The following SLIT2 variants were observed in gnomAD, a reference collection of about 807,000 sequenced individuals.
SLIT2 encodes slit homolog 2 protein.
In SLIT2, 41 loss-of-function variants were observed where a neutral mutation model predicts 185.7. That is an observed-to-expected ratio of 0.22 (90% CI 0.17 to 0.29). The LOEUF (loss-of-function observed/expected upper bound fraction) is 0.29, where lower values mean the gene tolerates loss of function less well. Among genes scored for constraint, SLIT2 ranks in the 10% least tolerant of loss-of-function variants. The pLI is 1.00. For synonymous variants in SLIT2, 693 were observed against 680.2 expected (o/e 1.02, Z -0.29); for missense variants, 1,571 against 1,909.0 (o/e 0.82, Z 3.30).
intron 4 of SLIT2, among the ~76,000 whole-genome samples, chr4:20,382,241 T>G (rs958280681): frequency 6.6e-6 from 1 of 152,126 alleles, no homozygotes; most frequent in Non-Finnish European, 1.5e-5. Context: ...TTGAAAAACA[T>G]GTAGTTAACA....
intron 4 of SLIT2, among the ~76,000 whole-genome samples, chr4:20,362,239 C>T (rs942192396): frequency 6.6e-6 from 1 of 152,058 alleles, no homozygotes; most frequent in African/African-American, 2.4e-5. Flanking sequence ...GTTCTGTCTG[C>T]CTAATTTGTA....
rs537223148 is a variant in SLIT2, at chr4:20,310,031, G to T, written c.395+41150G>T. ...CCGCCTCGGCCTCCCCAAGTGCTGGGATTACAGGCGTGAGCCACCGCGTCC... is the reference window on the plus strand; with the variant it reads ...CCGCCTCGGCCTCCCCAAGTGCTGGTATTACAGGCGTGAGCCACCGCGTCC... On this transcript the variant is annotated intron_variant, in intron 4 of 36. Transcript: ENST00000504154. Among the ~76,000 whole-genome samples the T allele has an allele frequency of 1.4e-4, 21 of 152,184 alleles. No homozygotes were observed. The South Asian group carries it at 1.7e-3, about 12-fold the overall frequency.
At chr4:20,523,676 C>A in intron 12 of SLIT2, 84 bp from the exon 13 acceptor site, 1 of 1,088,026 alleles carries the variant, frequency 9.2e-7, no homozygotes, top group Non-Finnish European at 1.4e-6. Context: ...TATTTCTTGA[C>A]TGGGTTTCCT....
intron 4 of SLIT2, among the ~76,000 whole-genome samples, chr4:20,362,087 TA>T (rs1468415372): frequency 6.6e-6 from 1 of 152,176 alleles, no homozygotes; most frequent in Non-Finnish European, 1.5e-5. Context: ...AGGGACAGCC[TA>T]ATTAGCCCAT....
intron 4 of SLIT2, among the ~76,000 whole-genome samples, chr4:20,414,192 T>A (rs1014168114): frequency 6.6e-6 from 1 of 152,144 alleles, no homozygotes; most frequent in Non-Finnish European, 1.5e-5. Flanking sequence ...AACCTCTTCA[T>A]TTATAATAAT....
rs79221293 is a variant in SLIT2 at position 20,475,685 on chromosome 4, G to T, written c.468-5031G>T. ...GACGTATCTACAGACCCTGCCATAT[G>T]CTATGAATTTATTAAACGTTAGCAA... On this transcript the variant is annotated intron_variant, in intron 5 of 36. Coordinates refer to ENST00000504154, the MANE Select transcript of SLIT2 (RefSeq NM_004787.4). Among the ~76,000 whole-genome samples, 71 of 152,200 alleles carry T rather than the reference G, an allele frequency of 4.7e-4. 1 individual carries two copies. In the East Asian group the frequency reaches 0.014, roughly 29 times the overall value.
At chr4:20,607,932 T>A (rs1728916377) in intron 33 of SLIT2, among the ~76,000 whole-genome samples, 1 of 152,192 alleles carries the variant, frequency 6.6e-6, no homozygotes, top group Admixed American at 6.5e-5. Context: ...AATGTTTTAC[T>A]TTAAAACTTT....
intron 4 of SLIT2, among the ~76,000 whole-genome samples, chr4:20,463,448 G>GATAGATAGATATAT (rs1459962322): frequency 8.9e-5 from 6 of 67,324 alleles, no homozygotes; most frequent in Non-Finnish European, 1.2e-4. Flanking sequence ...CTCAAACTGT[G>GATAGATAGATATAT]ATATATATAT....
intron 31 of SLIT2, 99 bp downstream of exon 31, chr4:20,595,933 A>G: frequency 2.0e-6 from 2 of 1,023,736 alleles, no homozygotes; most frequent in African/African-American, 1.6e-5. Context: ...TAAAATAACT[A>G]AAAGAGTATA....
At chr4:20,467,663 G>T in intron 4 of SLIT2, 89 bp from the exon 5 acceptor site, 1 of 686,622 alleles carries the variant, frequency 1.5e-6, no homozygotes, top group South Asian at 2.3e-5. Flanking sequence ...TTTTCTTTCT[G>T]GTGTCCTATA....
At chr4:20,548,630 A>G (rs559349319) in intron 23 of SLIT2, 71 bp downstream of exon 23, 2 of 895,444 alleles carry the variant, frequency 2.2e-6, no homozygotes, top group African/African-American at 1.6e-5. Context: ...GATGCTGGAC[A>G]TTGCTATTGA....
intron 5 of SLIT2, among the ~76,000 whole-genome samples, chr4:20,472,408 C>CTATAGA (rs1715375478): frequency 3.1e-5 from 1 of 32,448 alleles, no homozygotes; most frequent in African/African-American, 1.9e-4. Context: ...ATATAGATAT[C>CTATAGA]TATATATCTA....
At chr4:20,615,923 T>TC (rs759203182) in intron 34 of SLIT2, 2 of 152,114 alleles carry the variant, frequency 1.3e-5, no homozygotes, top group Admixed American at 6.6e-5. Context: ...TCCAGCACCC[T>TC]CCCCCCTTCC....
intron 3 of SLIT2, among the ~76,000 whole-genome samples, chr4:20,266,472 G>T (rs715214): frequency 0.043 from 6,558 of 151,994 alleles, 367 homozygotes; most frequent in African/African-American, 0.12. Context: ...GCCTCAGGGA[G>T]GATGCCAGAG....
intron 29 of SLIT2, among the ~76,000 whole-genome samples, chr4:20,583,002 G>A (rs1726726407): frequency 6.6e-6 from 1 of 152,132 alleles, no homozygotes; most frequent in Non-Finnish European, 1.5e-5. Flanking sequence ...ATTTCACCAA[G>A]CTACTCAGAA....
rs1270459209 is a variant in SLIT2 at position 20,510,545 on chromosome 4, C to T, written c.965C>T (p.Pro322Leu). ...GTCATCCCTCCTGGAGCTTTCTCAC[C>T]ATATAAAAAGCTTAGACGAATGTGA... Reference protein sequence around the residue: ...IKVIPPGAFSPYKKLRRIDLS... With the variant: ...IKVIPPGAFSLYKKLRRIDLS... The change falls in exon 10 of 37, where the codon CCA becomes CTA. Residue 322 changes from proline (P) to leucine (L), a missense_variant. Physicochemically the swap from Pro to Leu is moderately conservative, Grantham distance 98. Around this residue, in one of 3 missense-constraint regions of SLIT2, gnomAD observed 1,202 missense variants for 1,416.4 expected, o/e 0.85. Coordinates refer to ENST00000504154, the MANE Select transcript of SLIT2 (RefSeq NM_004787.4). 1 of 1,606,494 alleles carries T rather than the reference C, an allele frequency of 6.2e-7. No homozygotes were observed. The highest frequency in any genetic ancestry group is 1.3e-5 in the African/African-American group (1 of 74,668).
At position 20,252,014 on chromosome 4, in the gene SLIT2, CGGCGGAGGCGGA is replaced by C. The variant is rs1258720728; in HGVS notation, c.-1798_-1787del. On this transcript the variant is annotated 5_prime_UTR_variant, in exon 1 of 37. Coordinates refer to ENST00000504154, the MANE Select transcript of SLIT2 (RefSeq NM_004787.4). ...AAAAAGAAGGCGGCGGCGGCGGCGG[CGGCGGAGGCGGA>C]GGCAGCTGCGAGGCATGGGAGCGCC... Among the ~76,000 whole-genome samples the C allele has an allele frequency of 6.6e-6, 1 of 151,956 alleles. No homozygotes were observed. The highest frequency in any genetic ancestry group is 1.5e-5 in the Non-Finnish European group (1 of 67,984).
At chr4:20,520,446 A>G (rs184637644) in intron 12 of SLIT2, among the ~76,000 whole-genome samples, 2 of 152,316 alleles carry the variant, frequency 1.3e-5, no homozygotes, top group East Asian at 3.9e-4. Context: ...ATACAAAGAT[A>G]ATTGTGTTGT....
chr4:20,404,822 T>C (rs1726641829), intron 4 of SLIT2, among the ~76,000 whole-genome samples: 1 of 152,044 alleles, frequency 6.6e-6, no homozygotes, highest in South Asian at 2.1e-4. Flanking sequence ...CACAAAATCA[T>C]TACAGTATCT....
Sources: gnomAD v4.1 joint callset for allele counts (sites outside exome capture counted in the v4.1 genomes callset) on GRCh38, gnomAD v4.1.1 for gene constraint, gnomAD v4.1.1 regional missense constraint, MANE v1.5 for transcripts, NCBI Gene and HGNC (gene_info 2026-07-23, HGNC 2026-07-21) for gene names.